ZNF614: variants seen among roughly 807,000 people sequenced by gnomAD.
ZNF614 encodes zinc finger protein 614.
A neutral mutation model predicts 12.8 loss-of-function variants in ZNF614; 11 were observed. The observed-to-expected ratio is 0.86, with a 90% CI of 0.54 to 1.43. The LOEUF (loss-of-function observed/expected upper bound fraction) is 1.43. Among genes scored for constraint, ZNF614 ranks in the 40% most tolerant of loss-of-function variants. The pLI, the probability that ZNF614 is intolerant of heterozygous loss-of-function variation, is 0.00. For missense variants in ZNF614, 664 were observed against 708.8 expected (o/e 0.94, Z 0.72); for synonymous variants, 237 against 237.5 (o/e 1.00, Z 0.02).
Position 52,016,508 on chromosome 19 carries a change from T to C in ZNF614, c.1090A>G (p.Thr364Ala). The change falls in exon 5 of 5, where the codon ACT becomes GCT. Residue 364 changes from threonine to alanine, a missense_variant. Coordinates refer to ENST00000270649, the MANE Select transcript of ZNF614 (RefSeq NM_025040.4). ...MKRYLVVHQR[T>A]HTGEKPYMCS... is the part of the protein sequence containing the mutation. ...ATATAGGGTTTCTCTCCAGTATGAG[T>C]TCGCTGATGTACAACAAGATAGCGC... The C allele has an allele frequency of 6.2e-7, 1 of 1,614,084 alleles. No homozygotes were observed. The highest frequency in any genetic ancestry group is 2.2e-5 in the East Asian group (1 of 44,874).
intron 2 of ZNF614, among the ~76,000 whole-genome samples, chr19:52,018,971 C>T (rs916835802): frequency 2.0e-5 from 3 of 152,058 alleles, no homozygotes; most frequent in African/African-American, 7.2e-5. Flanking sequence ...TAAGCTCAAG[C>T]GACCTTCCCA....
At chr19:52,019,439 C>G (rs2086921153) in intron 2 of ZNF614, among the ~76,000 whole-genome samples, 1 of 152,000 alleles carries the variant, frequency 6.6e-6, no homozygotes, top group African/African-American at 2.4e-5. Context: ...TATTTCAGAA[C>G]TAAATACCTC....
intron 2 of ZNF614, among the ~76,000 whole-genome samples, chr19:52,020,751 G>A (rs2086928326): frequency 6.6e-6 from 1 of 152,058 alleles, no homozygotes. Context: ...ATTATCTAGG[G>A]ATCTACTATG....
rs542437863 is a variant in ZNF614, at chr19:52,018,639, T to C, written c.16-145A>G. 59 of 793,956 alleles carry C rather than the reference T, an allele frequency of 7.4e-5. 1 individual carries two copies. In the East Asian group the frequency reaches 1.7e-3, roughly 22 times the overall value. 49.2% of individuals were successfully genotyped at this position (793,956 alleles called of 1,614,324 possible). On this transcript the variant is annotated intron_variant, in intron 2 of 4. Coordinates refer to ENST00000270649, the MANE Select transcript of ZNF614 (RefSeq NM_025040.4). ...ACTTTGGTAGGAGCAAAATCCTCTATCTATACATTTTAGCGCCTATTTCTA... is the reference window on the plus strand; with the variant it reads ...ACTTTGGTAGGAGCAAAATCCTCTACCTATACATTTTAGCGCCTATTTCTA...
In ZNF614 at chr19:52,017,992, G is replaced by T; in HGVS notation, c.238+16C>A. ...TAAGACTCCTATAGCCACTGTCCTT[G>T]CTGGTTCTCACTTACCTGGACAATT... On this transcript the variant is annotated intron_variant, in intron 4 of 4. Transcript: ENST00000270649. 2 of 1,600,198 alleles carry T rather than the reference G, an allele frequency of 1.2e-6. No homozygotes were observed. Among genetic ancestry groups the T allele is most frequent in the East Asian group, 2.2e-5 (1 of 44,754 alleles).
intron 2 of ZNF614, among the ~76,000 whole-genome samples, chr19:52,025,346 G>A (rs939749880): frequency 6.6e-6 from 1 of 152,014 alleles, no homozygotes; most frequent in East Asian, 1.9e-4. Context: ...TTTGAGACAG[G>A]GTCTTACTTT....
At position 52,017,239 on chromosome 19, in the gene ZNF614, T is replaced by C. The variant is rs1042853189; in HGVS notation, c.359A>G (p.His120Arg). 8.1e-6 allele frequency: 13 copies of C among 1,613,998 alleles called. No homozygotes were observed. The highest frequency in any genetic ancestry group is 8.5e-6 in the Non-Finnish European group (10 of 1,180,048). Residue 120 changes from histidine to arginine, a missense_variant, in exon 5 of 5, where the codon CAT (histidine) becomes CGT (arginine). Transcript: ENST00000270649. ...ATCATGATTTTGCACTATAGGAAAA[T>C]GTGTCTTGCTGAGATGTACAATATT... ...LRNIVHLSKT[H>R]FPIVQNHDTF...
chr19:52,015,978 T>C lies in ZNF614; in HGVS notation c.1620A>G (p.Gly540=). The part of the protein sequence containing the change: ...QRTHTGERPY[G]CSDCEKAFSH... ...AGAAGGCTTTCTCACAATCACTGCATCCATACGGCCTCTCTCCTGTATGCG... is the reference window on the plus strand; with the variant it reads ...AGAAGGCTTTCTCACAATCACTGCACCCATACGGCCTCTCTCCTGTATGCG... The change falls in exon 5 of 5, where the codon GGA becomes GGG. Residue 540 remains glycine, a synonymous_variant. Transcript: ENST00000270649. 1.2e-6 allele frequency: 2 copies of C among 1,614,220 alleles called. No individual in the cohort carries two copies. The highest frequency in any genetic ancestry group is 1.7e-6 in the Non-Finnish European group (2 of 1,180,022).
At chr19:52,017,649 C>T (rs1354595633) in intron 4 of ZNF614, 2 of 359,776 alleles carry the variant, frequency 5.6e-6, no homozygotes, top group East Asian at 5.4e-5. Flanking sequence ...TGCAGCAAGC[C>T]GAGATTGGGC....
intron 2 of ZNF614, among the ~76,000 whole-genome samples, chr19:52,023,004 C>T (rs967511117): frequency 2.8e-5 from 4 of 144,844 alleles, no homozygotes; most frequent in Admixed American, 7.1e-5. Context: ...GGCATGAATC[C>T]GGAGGCGGAG....
At position 52,016,529 on chromosome 19, in the gene ZNF614, AGC is replaced by A; in HGVS notation, c.1067_1068del (p.Arg356LeufsTer19). On this transcript the variant is annotated frameshift_variant, in exon 5 of 5. Transcript: ENST00000270649. LOFTEE classifies it low-confidence loss of function (END_TRUNC). ...SECGKGFTMK[R>X]YLVVHQRTHT... is the part of the protein sequence containing the mutation. ...TGAGTTCGCTGATGTACAACAAGAT[AGC>A]GCTTCATGGTGAAGCCTTTTCCACA... 5 of 1,612,290 alleles carry A rather than the reference AGC, an allele frequency of 3.1e-6. No individual in the cohort carries two copies. Among genetic ancestry groups the A allele is most frequent in the Non-Finnish European group, 4.2e-6 (5 of 1,179,488 alleles).
At chr19:52,025,459 G>A (rs1027353058) in intron 2 of ZNF614, among the ~76,000 whole-genome samples, 5 of 152,042 alleles carry the variant, frequency 3.3e-5, no homozygotes, top group Admixed American at 3.3e-4. Flanking sequence ...GAGTAGCTGG[G>A]ATTACAGGTG....
Position 52,017,301 on chromosome 19 carries a change from C to T in ZNF614, c.297G>A (p.Lys99=). Residue 99 remains lysine, a synonymous_variant, in exon 5 of 5, where the codon AAG becomes AAA. Transcript: ENST00000270649. ...QEHSPNQRLL[K]SVQQCNGQNT... ...TCTGTCCATTGCATTGCTGCACGCT[C>T]TTCAGAAGTCTTTGGTTTGGAGAGT... 2 of 1,613,160 alleles carry T rather than the reference C, an allele frequency of 1.2e-6. No individual in the cohort carries two copies. The highest frequency in any genetic ancestry group is 1.7e-6 in the Non-Finnish European group (2 of 1,179,792).
At position 52,015,591 on chromosome 19, in the gene ZNF614, A is replaced by G; in HGVS notation, c.*249T>C. The stretch of plus-strand genomic sequence containing the variant: ...TCTCCACATTAATATAGTTTATTCA[A>G]CGTATTTTCATTGACAGAAAATATG... On this transcript the variant is annotated 3_prime_UTR_variant, in exon 5 of 5. Coordinates refer to ENST00000270649, the MANE Select transcript of ZNF614 (RefSeq NM_025040.4). 1 of 396,960 alleles carries G rather than the reference A, an allele frequency of 2.5e-6. No homozygotes were observed. The highest frequency in any genetic ancestry group is 4.3e-5 in the East Asian group (1 of 23,280). The allele number at this position is 396,960 out of a possible 1,614,324, so 24.6% of individuals were successfully genotyped here.
intron 2 of ZNF614, among the ~76,000 whole-genome samples, chr19:52,025,512 C>T (rs752066964): frequency 4.6e-5 from 7 of 152,016 alleles, no homozygotes; most frequent in Non-Finnish European, 8.8e-5. Flanking sequence ...TTTGTAGAGA[C>T]GGGGTTTCAC....
Position 52,026,679 on chromosome 19 carries a change from T to C in ZNF614, c.-216-718A>G, listed in dbSNP as rs984888765. Among the ~76,000 whole-genome samples the C allele has an allele frequency of 5.3e-5, 8 of 152,136 alleles. No homozygotes were observed. In the East Asian group the frequency reaches 7.7e-4, roughly 15 times the overall value. ...GTAAAAGAGGAAGGCCTCTTTGCGG[T>C]TGAGATAAGAGAAAGGCATCTGTCT... On this transcript the variant is annotated intron_variant, in intron 1 of 4. Coordinates refer to ENST00000270649, the MANE Select transcript of ZNF614 (RefSeq NM_025040.4).
Position 52,016,650 on chromosome 19 carries a change from C to G in ZNF614, c.948G>C (p.Val316=), listed in dbSNP as rs1254553652. 4.3e-6 allele frequency: 7 copies of G among 1,613,972 alleles called. No individual in the cohort carries two copies. The highest frequency in any genetic ancestry group is 5.9e-6 in the Non-Finnish European group (7 of 1,180,016). The part of the protein sequence containing the change: ...QRTHSGEKPY[V]CKECGKGFTV... ...TGAAACCTTTTCCACATTCTTTGCA[C>G]ACATAAGGTTTCTCTCCACTATGAG... Residue 316 remains valine, a synonymous_variant, in exon 5 of 5, where the codon GTG becomes GTC. Coordinates refer to ENST00000270649, the MANE Select transcript of ZNF614 (RefSeq NM_025040.4).
intron 2 of ZNF614, 106 bp from the exon 3 acceptor site, chr19:52,018,600 C>T (rs1189445598): frequency 8.3e-7 from 1 of 1,205,962 alleles, no homozygotes; most frequent in Admixed American, 2.7e-5. Flanking sequence ...CATCTATATT[C>T]CTTTCTCAAA....
At position 52,017,035 on chromosome 19, in the gene ZNF614, G is replaced by T. The variant is rs772286611; in HGVS notation, c.563C>A (p.Thr188Asn). The T allele has an allele frequency of 3.7e-6, 6 of 1,614,104 alleles. No individual in the cohort carries two copies. The East Asian group carries it at 1.3e-4, about 36-fold the overall frequency. The change falls in exon 5 of 5, where the codon ACT becomes AAT. Residue 188 changes from threonine (T) to asparagine (N), a missense_variant. Physicochemically the swap from Thr to Asn is moderately conservative, Grantham distance 65. Coordinates refer to ENST00000270649, the MANE Select transcript of ZNF614 (RefSeq NM_025040.4). ...RFSENAKCIH[T>N]KFQVFKHQRT... ...CTGATGCTTGAAGACTTGGAATTTA[G>T]TATGGATACATTTTGCATTTTCAGA...
Sources: allele counts gnomAD v4.1 joint callset (sites outside exome capture counted in the v4.1 genomes callset), GRCh38; gene constraint gnomAD v4.1.1; transcripts MANE v1.5; gene names NCBI Gene and HGNC (gene_info 2026-07-23, HGNC 2026-07-21).